Variants in PKD1L1 observed in about 807,000 individuals in gnomAD.
PKD1L1 encodes the protein polycystin-1-like protein 1.
PKD1L1 carries 236 observed loss-of-function variants against 323.4 expected under a neutral mutation model. That is an observed-to-expected ratio of 0.73 (90% CI 0.66 to 0.81). PKD1L1 has a LOEUF of 0.81. PKD1L1 is among the 40% of genes least tolerant of loss of function. PKD1L1 has a pLI of 0.00. For missense variants in PKD1L1, 3,320 were observed against 3,508.0 expected, an observed-to-expected ratio of 0.95 and a Z score of 1.35; for synonymous variants, 1,344 against 1,335.0, an observed-to-expected ratio of 1.01 and a Z score of -0.15.
intron 46 of PKD1L1, among the ~76,000 whole-genome samples, chr7:47,817,664 T>C (rs1785048665): frequency 6.6e-6 from 1 of 152,082 alleles, no homozygotes; most frequent in South Asian, 2.1e-4. Context: ...AGGCCAGGAA[T>C]TTGAGACCAG....
chr7:47,834,838 A>G (rs1028361385), intron 39 of PKD1L1, 129 bp downstream of exon 39: 3 of 747,654 alleles, frequency 4.0e-6, no homozygotes, highest in Non-Finnish European at 4.4e-6. Flanking sequence ...CACACATTAA[A>G]TGATGCTCAA....
At position 47,885,987 on chromosome 7, in the gene PKD1L1, C is replaced by G; in HGVS notation, c.2904G>C (p.Gln968His). 1 of 1,614,212 alleles carries G rather than the reference C, an allele frequency of 6.2e-7. No individual in the cohort carries two copies. Among genetic ancestry groups the G allele is most frequent in the Middle Eastern group, 1.6e-4 (1 of 6,062 alleles). ...LGLGAISESS[Q>H]LNLLPTEPGT... is the part of the protein sequence containing the mutation. ...CAGGCTCAGTGGGCAGCAGGTTTAA[C>G]TGTGATGACTCTGAAATGGCACCGA... Residue 968 changes from glutamine to histidine, a missense_variant, in exon 18 of 57, where the codon CAG (glutamine) becomes CAC (histidine). Transcript: ENST00000289672.
At chr7:47,781,502 G>T (rs376513247) in intron 56 of PKD1L1, among the ~76,000 whole-genome samples, 1 of 147,552 alleles carries the variant, frequency 6.8e-6, no homozygotes, top group Non-Finnish European at 1.5e-5. Flanking sequence ...TCCGCCTCCT[G>T]GGTTCATGCC....
chr7:47,956,456 T>G, the PKD1L1 span, among the ~76,000 whole-genome samples: 2 of 152,202 alleles, frequency 1.3e-5, no homozygotes, highest in African/African-American at 4.8e-5. Flanking sequence ...CAGAGTGGAC[T>G]GCAGGGAACC....
intron 52 of PKD1L1, 72 bp downstream of exon 52, chr7:47,808,175 T>C: frequency 6.4e-7 from 1 of 1,554,388 alleles, no homozygotes; most frequent in East Asian, 2.3e-5. Context: ...CTAGAGTTTG[T>C]GTGACCTCTG....
chr7:47,898,156 A>T lies in PKD1L1; in HGVS notation c.2103T>A (p.Phe701Leu). 1 of 1,614,222 alleles carries T rather than the reference A, an allele frequency of 6.2e-7. No homozygotes were observed. Among genetic ancestry groups the T allele is most frequent in the Non-Finnish European group, 8.5e-7 (1 of 1,180,030 alleles). ...AAATATCACAGAAGACTGCAGCTTC[A>T]AACGTCACTCCCAGCCTCACAGGCT... ...RSQPVRLGVTFEAAVFCDISQ... is the reference protein window; with the variant it reads ...RSQPVRLGVTLEAAVFCDISQ... Residue 701 changes from phenylalanine to leucine, a missense_variant, in exon 14 of 57, where the codon TTT becomes TTA. Coordinates refer to ENST00000289672, the MANE Select transcript of PKD1L1 (RefSeq NM_138295.5).
chr7:47,812,051 C>A lies in PKD1L1; in HGVS notation c.7347G>T (p.Arg2449Ser), dbSNP rs369536558. The A allele has an allele frequency of 1.3e-6, 2 of 1,557,208 alleles. No homozygotes were observed. The highest frequency in any genetic ancestry group is 1.7e-6 in the Non-Finnish European group (2 of 1,150,300). ...GGGACAGGGCTGTGTGGGCTTCAGTCCTGTAAAACAGCACACACTGGGGTA... is the reference window on the plus strand; with the variant it reads ...GGGACAGGGCTGTGTGGGCTTCAGTACTGTAAAACAGCACACACTGGGGTA... Reference protein sequence around the residue: ...EDCVLSLGRTRTEAHTALSRL... With the variant: ...EDCVLSLGRTSTEAHTALSRL... The change falls in exon 50 of 57, where the codon AGG (arginine) becomes AGT (serine). Residue 2449 changes from arginine to serine, a missense_variant and splice_region_variant. Arg to Ser is a moderately radical substitution (Grantham distance 110). Coordinates refer to ENST00000289672, the MANE Select transcript of PKD1L1 (RefSeq NM_138295.5).
intron 2 of PKD1L1, among the ~76,000 whole-genome samples, chr7:47,941,102 G>A (rs1373943149): frequency 2.0e-5 from 3 of 152,248 alleles, no homozygotes; most frequent in African/African-American, 7.2e-5. Flanking sequence ...TGCCTTGGGT[G>A]CAAGAGCTGC....
In PKD1L1 at chr7:47,792,614, T is replaced by C. The variant is rs1276518500; in HGVS notation, c.8526+13A>G. ...TGAAGAAAATTGACATAAATAATTT[T>C]GCATGGTCTTACCTCAGCAGCTTGG... On this transcript the variant is annotated intron_variant, in intron 56 of 56. Transcript: ENST00000289672. 1.3e-6 allele frequency: 2 copies of C among 1,574,534 alleles called. No homozygotes were observed. Among genetic ancestry groups the C allele is most frequent in the East Asian group, 4.5e-5 (2 of 44,244 alleles).
intron 7 of PKD1L1, among the ~76,000 whole-genome samples, chr7:47,922,592 ACCCCG>A (rs1350229536): frequency 1.5e-5 from 2 of 136,780 alleles, no homozygotes; most frequent in Admixed American, 7.3e-5. Context: ...TAGCGTCTCT[ACCCCG>A]CCGCCACCCC....
At chr7:47,845,109 A>G in intron 32 of PKD1L1, 31 bp from the exon 33 acceptor site, 1 of 1,579,488 alleles carries the variant, frequency 6.3e-7, no homozygotes, top group Non-Finnish European at 8.7e-7. Flanking sequence ...AGGATACAGA[A>G]TGTGTGGAGA....
At chr7:47,809,395 T>A (rs530287267) in intron 51 of PKD1L1, 78 bp downstream of exon 51, 1 of 1,156,186 alleles carries the variant, frequency 8.6e-7, no homozygotes, top group East Asian at 2.6e-5. Context: ...CATAATCAAT[T>A]TCTTATTTAA....
At chr7:47,952,174 A>T (rs983893394), upstream of PKD1L1, among the ~76,000 whole-genome samples, 14 of 152,182 alleles carry the variant, frequency 9.2e-5, no homozygotes, top group African/African-American at 3.4e-4. Flanking sequence ...TGCTTGGGCA[A>T]ATTTTTGTAA....
chr7:47,944,602 C>A (rs1420028126), intron 1 of PKD1L1, among the ~76,000 whole-genome samples: 1 of 152,242 alleles, frequency 6.6e-6, no homozygotes, highest in Non-Finnish European at 1.5e-5. Context: ...CACCTTCCTT[C>A]AAAGCTCTCT....
At chr7:47,849,545 A>C (rs1368099557) in intron 31 of PKD1L1, among the ~76,000 whole-genome samples, 2 of 151,764 alleles carry the variant, frequency 1.3e-5, no homozygotes, top group African/African-American at 2.4e-5. Flanking sequence ...GGACCTGAAC[A>C]GACAATTCTC....
chr7:47,891,213 T>A (rs1786809347), intron 15 of PKD1L1, among the ~76,000 whole-genome samples: 1 of 152,190 alleles, frequency 6.6e-6, no homozygotes, highest in Non-Finnish European at 1.5e-5. Context: ...TTGGGAGGCC[T>A]CAGAGTGTTT....
chr7:47,834,881 A>G lies in PKD1L1; in HGVS notation c.6127+86T>C, dbSNP rs1785423622. 5 of 1,145,406 alleles carry G rather than the reference A, an allele frequency of 4.4e-6. No individual in the cohort carries two copies. In the Admixed American group the frequency reaches 1.1e-4, roughly 26 times the overall value. 71.0% of individuals were successfully genotyped at this position (1,145,406 alleles called of 1,614,324 possible). Reference sequence around the variant, plus strand: ...CATAATAAACATAATGCAAATTGAAAACAGAAGATACAATTTCTACTTAGT... The same window carrying G: ...CATAATAAACATAATGCAAATTGAAGACAGAAGATACAATTTCTACTTAGT... On this transcript the variant is annotated intron_variant, in intron 39 of 56. Transcript: ENST00000289672.
intron 4 of PKD1L1, among the ~76,000 whole-genome samples, chr7:47,932,367 C>A (rs1442528535): frequency 1.3e-5 from 2 of 152,218 alleles, no homozygotes; most frequent in Non-Finnish European, 2.9e-5. Flanking sequence ...GAGTCACATA[C>A]AAAACATGCT....
At chr7:47,952,246 C>T (rs917528430), upstream of PKD1L1, among the ~76,000 whole-genome samples, 2 of 152,186 alleles carry the variant, frequency 1.3e-5, no homozygotes, top group Admixed American at 1.3e-4. Flanking sequence ...AACTTACCAT[C>T]CTTTGAGCTG....
Sources: allele counts gnomAD v4.1 joint callset (sites outside exome capture counted in the v4.1 genomes callset), GRCh38; gene constraint gnomAD v4.1.1; transcripts MANE v1.5; gene names NCBI Gene and HGNC (gene_info 2026-07-23, HGNC 2026-07-21).